The following WDR7 variants were observed in gnomAD, a reference collection of about 807,000 sequenced individuals.
WDR7 encodes the protein WD repeat domain 7.
A neutral mutation model predicts 169.4 loss-of-function variants in WDR7; 46 were observed. The ratio of observed to expected loss-of-function variants is 0.27; its 90% CI spans 0.21 to 0.35. The LOEUF (loss-of-function observed/expected upper bound fraction) is 0.35. Among genes scored for constraint, WDR7 ranks in the 10% least tolerant of loss-of-function variants. The pLI is 1.00. For synonymous variants in WDR7, 612 were observed against 666.8 expected, an observed-to-expected ratio of 0.92 and a Z score of 1.27; for missense variants, 1,534 against 1,859.3, an observed-to-expected ratio of 0.83 and a Z score of 3.22.
intron 21 of WDR7, among the ~76,000 whole-genome samples, chr18:56,906,122 G>A (rs113878850): frequency 0.016 from 2,467 of 152,232 alleles, 23 homozygotes; most frequent in Middle Eastern, 0.048. Flanking sequence ...CGCTTCTGAT[G>A]GAAGTACATA....
At chr18:56,733,750 G>A (rs2026637160) in intron 14 of WDR7, among the ~76,000 whole-genome samples, 1 of 152,080 alleles carries the variant, frequency 6.6e-6, no homozygotes, top group Non-Finnish European at 1.5e-5. Flanking sequence ...GGAGTCTTTT[G>A]TAAGATTGTG....
intron 26 of WDR7, among the ~76,000 whole-genome samples, chr18:56,994,264 T>G (rs2047862965): frequency 6.6e-6 from 1 of 152,166 alleles, no homozygotes; most frequent in South Asian, 2.1e-4. Flanking sequence ...GCTCAAGCGA[T>G]TTGCCTGCCT....
chr18:56,798,726 C>T (rs2044624018), intron 19 of WDR7, among the ~76,000 whole-genome samples: 1 of 151,912 alleles, frequency 6.6e-6, no homozygotes, highest in East Asian at 1.9e-4. Flanking sequence ...TTTGCTATTG[C>T]TTTATAAAAG....
Position 56,766,848 on chromosome 18 carries a change from A to T in WDR7, c.2848+7895A>T, listed in dbSNP as rs115922780. ...TTAACACCCTTCACTGATAATTTTG[A>T]TAGCTCTGTCAGTTCTGGGTTGGTT... On this transcript the variant is annotated intron_variant, in intron 16 of 27. Transcript: ENST00000254442. 8.9e-3 allele frequency among the ~76,000 whole-genome samples: 1,361 copies of T among 152,268 alleles called. 23 individuals carry two copies. Among genetic ancestry groups the T allele is most frequent in the African/African-American group, 0.028 (1,179 of 41,530 alleles).
intron 1 of WDR7, among the ~76,000 whole-genome samples, chr18:56,654,127 G>T (rs1302208532): frequency 6.6e-6 from 1 of 152,052 alleles, no homozygotes; most frequent in Admixed American, 6.6e-5. Flanking sequence ...CACTACTAAT[G>T]AATCTGAGCA....
intron 14 of WDR7, 29 bp from the exon 15 acceptor site, chr18:56,756,554 T>C: frequency 1.3e-6 from 2 of 1,501,920 alleles, no homozygotes; most frequent in South Asian, 2.6e-5. Context: ...CTTTTAATTA[T>C]AACTATCTTT....
intron 26 of WDR7, among the ~76,000 whole-genome samples, chr18:56,987,076 G>A (rs2047732282): frequency 6.6e-6 from 1 of 152,130 alleles, no homozygotes; most frequent in African/African-American, 2.4e-5. Context: ...TGTCTGAGTT[G>A]CGGATCAAGT....
chr18:56,810,439 A>G (rs1036052518), intron 19 of WDR7, among the ~76,000 whole-genome samples: 4 of 152,140 alleles, frequency 2.6e-5, no homozygotes, highest in African/African-American at 4.8e-5. Context: ...AATGAAATAT[A>G]TATATAATTT....
chr18:56,763,697 C>G (rs2044017777), intron 16 of WDR7, among the ~76,000 whole-genome samples: 2 of 152,124 alleles, frequency 1.3e-5, no homozygotes, highest in Admixed American at 6.6e-5. Context: ...TGATCTAATT[C>G]ACTAGTGAAA....
intron 26 of WDR7, among the ~76,000 whole-genome samples, chr18:57,004,427 C>G (rs2048026912): frequency 1.3e-5 from 2 of 152,094 alleles, no homozygotes; most frequent in African/African-American, 4.8e-5. Context: ...GGAGATTGAA[C>G]TGGCACTATA....
At chr18:56,920,370 A>G (rs2046697987) in intron 21 of WDR7, among the ~76,000 whole-genome samples, 1 of 152,238 alleles carries the variant, frequency 6.6e-6, no homozygotes, top group African/African-American at 2.4e-5. Context: ...AATGCACAAT[A>G]TATTCAGATT....
intron 21 of WDR7, among the ~76,000 whole-genome samples, chr18:56,886,663 T>G (rs1038525029): frequency 6.6e-5 from 10 of 152,202 alleles, no homozygotes; most frequent in Non-Finnish European, 1.3e-4. Flanking sequence ...AATGCTCCAC[T>G]TAAAAGATAC....
intron 21 of WDR7, among the ~76,000 whole-genome samples, chr18:56,912,980 TC>T (rs2046573331): frequency 6.6e-6 from 1 of 151,802 alleles, no homozygotes; most frequent in Non-Finnish European, 1.5e-5. Context: ...GCTCAAGGGA[TC>T]CTCTTATATC....
At chr18:56,759,586 T>G (rs1033806411) in intron 16 of WDR7, among the ~76,000 whole-genome samples, 1 of 152,116 alleles carries the variant, frequency 6.6e-6, no homozygotes, top group Non-Finnish European at 1.5e-5. Context: ...GACTGACAAA[T>G]GAGCTAATCA....
chr18:57,027,411 A>G lies in WDR7; in HGVS notation c.*204A>G, dbSNP rs898121847. On this transcript the variant is annotated 3_prime_UTR_variant, in exon 28 of 28. Transcript: ENST00000254442. ...TCTGTCGATTCAGAGGCACGCACAC[A>G]TGCTCTGCAGGATGTGGCCATCCTG... 7 of 616,176 alleles carry G rather than the reference A, an allele frequency of 1.1e-5. No individual in the cohort carries two copies. The South Asian group carries it at 1.2e-4, about 11-fold the overall frequency. 38.2% of individuals were successfully genotyped at this position (616,176 alleles called of 1,614,324 possible). A position where few individuals can be genotyped will look rare whatever the true frequency, so the allele number is the denominator to read the frequency against.
chr18:56,777,530 A>G (rs569088682), intron 17 of WDR7, among the ~76,000 whole-genome samples: 1 of 152,284 alleles, frequency 6.6e-6, no homozygotes, highest in Admixed American at 6.5e-5. Flanking sequence ...ACAAACCTTT[A>G]TTCCATAAGA....
chr18:56,870,439 AAT>A (rs1454796092), intron 20 of WDR7, among the ~76,000 whole-genome samples: 1 of 152,110 alleles, frequency 6.6e-6, no homozygotes. Flanking sequence ...GTTTTAAAAA[AAT>A]CTCAAAAGTG....
chr18:56,652,760 T>C (rs939286278), intron 1 of WDR7, among the ~76,000 whole-genome samples: 1 of 152,190 alleles, frequency 6.6e-6, no homozygotes, highest in African/African-American at 2.4e-5. Flanking sequence ...GAGAAATACT[T>C]TAAGAGAAAA....
At chr18:56,652,833 T>G (rs2024684847) in intron 1 of WDR7, among the ~76,000 whole-genome samples, 1 of 152,178 alleles carries the variant, frequency 6.6e-6, no homozygotes, top group African/African-American at 2.4e-5. Flanking sequence ...AAGATCTCGG[T>G]GACTGGGTGA....
Sources: allele counts gnomAD v4.1 joint callset (sites outside exome capture counted in the v4.1 genomes callset), GRCh38; gene constraint gnomAD v4.1.1; transcripts MANE v1.5; gene names NCBI Gene and HGNC (gene_info 2026-07-23, HGNC 2026-07-21).